MTMR11: variants seen among roughly 807,000 people sequenced by gnomAD.
MTMR11 encodes the protein myotubularin related protein 11, also known as myotubularin-related protein 11.
Under a neutral mutation model 100.0 loss-of-function variants are expected in MTMR11, and 89 were observed. The observed-to-expected ratio is 0.89, with a 90% confidence interval of 0.75 to 1.06. The LOEUF (loss-of-function observed/expected upper bound fraction) is 1.06. MTMR11 is among the 50% of genes least tolerant of loss of function. MTMR11 has a pLI of 0.00. For synonymous variants in MTMR11, 336 were observed against 326.3 expected (o/e 1.03, Z -0.32); for missense variants, 809 against 873.7 (o/e 0.93, Z 0.93).
Position 149,931,379 on chromosome 1 carries a change from G to T in MTMR11, c.1171C>A (p.Leu391Met). The T allele has an allele frequency of 1.2e-6, 2 of 1,613,508 alleles. No individual in the cohort carries two copies. Among genetic ancestry groups the T allele is most frequent in the Non-Finnish European group, 1.7e-6 (2 of 1,179,742 alleles). ...GTTCGGGCTTCGGGGGCTGAAAGCA[G>T]CTGGACGAGTGAAGAGAGGAGGCCA... ...LNGLLSSLVQ[L>M]LSAPEARTLF... The change falls in exon 13 of 17, where the codon CTG (leucine) becomes ATG (methionine). Residue 391 changes from leucine (L) to methionine (M), a missense_variant. Coordinates refer to ENST00000439741, the MANE Select transcript of MTMR11 (RefSeq NM_001145862.2).
At chr1:149,935,837 A>G in intron 2 of MTMR11, 132 bp from the exon 3 acceptor site, 1 of 1,149,672 alleles carries the variant, frequency 8.7e-7, no homozygotes, top group Admixed American at 2.9e-5. Context: ...ACTACAATGT[A>G]AGCTTATGAG....
At position 149,929,244 on chromosome 1, in the gene MTMR11, C is replaced by G. The variant is rs1553766806; in HGVS notation, c.2015G>C (p.Trp672Ser). ...LSHLQELLRK[W>S]TPRISPEDHS... is the part of the protein sequence containing the mutation. Reference sequence around the variant, plus strand: ...ATCCTCAGGAGATATTCTTGGTGTCCATTTCCGTAATAACTCCTGAAGATG... The same window carrying G: ...ATCCTCAGGAGATATTCTTGGTGTCGATTTCCGTAATAACTCCTGAAGATG... Residue 672 changes from tryptophan (W) to serine (S), a missense_variant, in exon 17 of 17, where the codon TGG (tryptophan) becomes TCG (serine). Coordinates refer to ENST00000439741, the MANE Select transcript of MTMR11 (RefSeq NM_001145862.2). The G allele has an allele frequency of 2.5e-6, 4 of 1,614,072 alleles. No homozygotes were observed. Among genetic ancestry groups the G allele is most frequent in the Middle Eastern group, 3.3e-4 (2 of 6,062 alleles).
rs1224081786 is a variant in MTMR11, at chr1:149,936,854, TCTC to T, written c.-210_-208del. ...GGTGTGTCCAGCCCAGCCTGAGAAG[TCTC>T]CTCGGAAACTTCAGTCGACTCTGGA... On this transcript the variant is annotated 5_prime_UTR_variant, in exon 1 of 17. Transcript: ENST00000439741. The T allele has an allele frequency of 5.3e-6, 3 of 565,522 alleles. No homozygotes were observed. The highest frequency in any genetic ancestry group is 4.0e-5 in the African/African-American group (2 of 50,350). The allele number at this position is 565,522 out of a possible 1,614,324, so 35.0% of individuals were successfully genotyped here.
At position 149,933,862 on chromosome 1, in the gene MTMR11, C is replaced by T. The variant is rs138833412; in HGVS notation, c.764G>A (p.Arg255His). ...RRAFGHFHQGRGPRLSWHHPG... is the reference protein window; with the variant it reads ...RRAFGHFHQGHGPRLSWHHPG... ...CCTAACCATCACACTGACCGGTCCACGGCCCTGATGAAAGTGGCCAAATGC... is the reference window on the plus strand; with the variant it reads ...CCTAACCATCACACTGACCGGTCCATGGCCCTGATGAAAGTGGCCAAATGC... Residue 255 changes from arginine to histidine, a missense_variant, in exon 8 of 17, where the codon CGT (arginine) becomes CAT (histidine). Transcript: ENST00000439741. The T allele has an allele frequency of 2.3e-5, 37 of 1,613,914 alleles. No homozygotes were observed. Among genetic ancestry groups the T allele is most frequent in the Middle Eastern group, 1.6e-4 (1 of 6,076 alleles).
In MTMR11 at chr1:149,935,098, C is replaced by T. The variant is rs62621238; in HGVS notation, c.356G>A (p.Arg119His). ...GATAAATTTATGCAGGGACCCTGGA[C>T]GGAGGAGCTGGACTCGGGACAAGCC... ...VSGLSRVQLL[R>H]PGSLHKFIPE... The change falls in exon 5 of 17, where the codon CGT becomes CAT. Residue 119 changes from arginine (R) to histidine (H), a missense_variant. Physicochemically the swap from Arg to His is conservative, Grantham distance 29. Transcript: ENST00000439741. 6,932 of 1,614,124 alleles carry T rather than the reference C, an allele frequency of 4.3e-3. 268 individuals carry two copies. In the African/African-American group the frequency reaches 0.079, roughly 18 times the overall value.
In MTMR11 at chr1:149,929,323, G is replaced by A. The variant is rs782465016; in HGVS notation, c.1942-6C>T. ...GTGGGAGCTGAGAGGCCCATCTGGG[G>A]AGGAGGCAAAGAGGAACAGAGAAGA... is the stretch of plus-strand genomic sequence containing the variant. On this transcript the variant is annotated splice_polypyrimidine_tract_variant and splice_region_variant and intron_variant, in intron 16 of 16. Transcript: ENST00000439741. 6.2e-7 allele frequency: 1 copy of A among 1,611,510 alleles called. No homozygotes were observed. Among genetic ancestry groups the A allele is most frequent in the Non-Finnish European group, 8.5e-7 (1 of 1,177,986 alleles).
intron 3 of MTMR11, 38 bp from the exon 4 acceptor site, chr1:149,935,397 G>A (rs587651487): frequency 6.2e-6 from 10 of 1,609,174 alleles, no homozygotes; most frequent in East Asian, 2.2e-5. Context: ...ATCTGAAATC[G>A]CCCTCATTTT....
At position 149,928,770 on chromosome 1, in the gene MTMR11, ATAGAACT is replaced by A; in HGVS notation, c.*352_*358del. On this transcript the variant is annotated 3_prime_UTR_variant, in exon 17 of 17. Transcript: ENST00000439741. ...CCCATAGAAAACTATAAGGGAAGAA[ATAGAACT>A]TGGAATTAAAGCAGCAGCAAGGCGA... The A allele has an allele frequency of 8.3e-7, 1 of 1,202,422 alleles. No individual in the cohort carries two copies. The highest frequency in any genetic ancestry group is 2.3e-5 in the East Asian group (1 of 42,800). The allele number at this position is 1,202,422 out of a possible 1,614,324, so 74.5% of individuals were successfully genotyped here.
Position 149,936,770 on chromosome 1 carries a change from G to T in MTMR11, c.-123C>A. 1.4e-6 allele frequency: 1 copy of T among 702,052 alleles called. No homozygotes were observed. The highest frequency in any genetic ancestry group is 2.5e-6 in the Non-Finnish European group (1 of 398,950). 43.5% of individuals were successfully genotyped at this position (702,052 alleles called of 1,614,324 possible). A position where few individuals can be genotyped will look rare whatever the true frequency, so the allele number is the denominator to read the frequency against. On this transcript the variant is annotated 5_prime_UTR_variant, in exon 1 of 17. Transcript: ENST00000439741. ...GTGTTAGGGAGAGGGGTAGGGGGTT[G>T]GACACAAGGGAAAGGAGCATTTGAC...
In MTMR11 at chr1:149,933,386, G is replaced by A. The variant is rs72692821; in HGVS notation, c.985+20C>T. 0.16 allele frequency: 255,831 copies of A among 1,613,558 alleles called. 23,313 individuals carry two copies. The highest frequency in any genetic ancestry group is 0.37 in the East Asian group (16,452 of 44,840). ...ACCTAGGGGTGAGGGTGAGGGTTAG[G>A]GGTCAAAGGTTATTCTCACCAGGCA... On this transcript the variant is annotated intron_variant, in intron 10 of 16. Coordinates refer to ENST00000439741, the MANE Select transcript of MTMR11 (RefSeq NM_001145862.2).
chr1:149,930,069 A>C, intron 15 of MTMR11, 153 bp from the exon 16 acceptor site: 1 of 854,468 alleles, frequency 1.2e-6, no homozygotes, highest in Non-Finnish European at 1.8e-6. Flanking sequence ...TACCCTCCTC[A>C]TTAGGCTTCA....
chr1:149,935,714 G>C lies in MTMR11; in HGVS notation c.143-9C>G. The C allele has an allele frequency of 6.3e-7, 1 of 1,583,848 alleles. No individual in the cohort carries two copies. Among genetic ancestry groups the C allele is most frequent in the South Asian group, 1.1e-5 (1 of 87,914 alleles). ...TGCTAGGATCTGCTCCCCTAAAGGG[G>C]AAGAAGGGAAGCCCTGTTATGACTG... On this transcript the variant is annotated splice_polypyrimidine_tract_variant and intron_variant, in intron 2 of 16. Transcript: ENST00000439741.
chr1:149,932,186 G>T, intron 11 of MTMR11, 78 bp downstream of exon 11: 1 of 1,487,154 alleles, frequency 6.7e-7, no homozygotes, highest in Non-Finnish European at 9.4e-7. Flanking sequence ...CTAAAGAAAG[G>T]CCATTTAGGA....
At chr1:149,936,074 G>C (rs1004699713) in intron 2 of MTMR11, 80 bp downstream of exon 2, 11 of 1,428,824 alleles carry the variant, frequency 7.7e-6, no homozygotes, top group Non-Finnish European at 9.9e-6. Flanking sequence ...GAACACAGGG[G>C]TATCTTTGGT....
rs922608763 is a variant in MTMR11, at chr1:149,928,959, G to A, written c.*170C>T. 3.8e-5 allele frequency: 61 copies of A among 1,613,318 alleles called. No homozygotes were observed. The highest frequency in any genetic ancestry group is 4.7e-5 in the Non-Finnish European group (56 of 1,179,694). On this transcript the variant is annotated 3_prime_UTR_variant, in exon 17 of 17. Transcript: ENST00000439741. ...TGTTTCTTAATCCTTCAAATGACAA[G>A]AAGCAAAAATATTTGTAGAAACTAA... is the stretch of plus-strand genomic sequence containing the variant.
In MTMR11 at chr1:149,928,841, A is replaced by G. The variant is rs1553766611; in HGVS notation, c.*288T>C. On this transcript the variant is annotated 3_prime_UTR_variant, in exon 17 of 17. Transcript: ENST00000439741. The stretch of plus-strand genomic sequence containing the variant: ...TTTCTAGGCCATCTTGTTGGGACTG[A>G]TGAACAGCATCTCTGATCTCATGAT... 1.2e-6 allele frequency: 2 copies of G among 1,603,692 alleles called. No individual in the cohort carries two copies. The highest frequency in any genetic ancestry group is 1.7e-6 in the Non-Finnish European group (2 of 1,170,510).
Position 149,934,177 on chromosome 1 carries a change from C to T in MTMR11, c.683+14G>A. On this transcript the variant is annotated intron_variant, in intron 7 of 16. Coordinates refer to ENST00000439741, the MANE Select transcript of MTMR11 (RefSeq NM_001145862.2). ...TTGGGAGAGCAGCAGGGTTGGGGTG[C>T]ACTGGGGGATCACCTGGTGGCTACG... is the stretch of plus-strand genomic sequence containing the variant. 1.2e-6 allele frequency: 2 copies of T among 1,613,512 alleles called. No homozygotes were observed. The highest frequency in any genetic ancestry group is 1.7e-6 in the Non-Finnish European group (2 of 1,179,972).
At chr1:149,934,893 G>A in intron 5 of MTMR11, 93 bp downstream of exon 5, 1 of 1,435,272 alleles carries the variant, frequency 7.0e-7, no homozygotes, top group Admixed American at 2.2e-5. Context: ...ATGATGAGAG[G>A]ATCCCAGGGG....
In MTMR11 at chr1:149,928,757, T is replaced by C. The variant is rs587712654; in HGVS notation, c.*372A>G. On this transcript the variant is annotated 3_prime_UTR_variant, in exon 17 of 17. Transcript: ENST00000439741. The stretch of plus-strand genomic sequence containing the variant: ...TATCCGCCTCATTCCCATAGAAAAC[T>C]ATAAGGGAAGAAATAGAACTTGGAA... 21 of 1,095,648 alleles carry C rather than the reference T, an allele frequency of 1.9e-5. No homozygotes were observed. The highest frequency in any genetic ancestry group is 2.0e-4 in the Middle Eastern group (1 of 5,068). The allele number at this position is 1,095,648 out of a possible 1,614,324, so 67.9% of individuals were successfully genotyped here.
Sources: gnomAD v4.1 joint callset for allele counts on GRCh38, gnomAD v4.1.1 for gene constraint, MANE v1.5 for transcripts, NCBI Gene and HGNC (gene_info 2026-07-23, HGNC 2026-07-21) for gene names.